Variants in PDE4D observed in about 807,000 individuals in gnomAD.
PDE4D encodes the protein phosphodiesterase 4D.
A neutral mutation model predicts 87.4 loss-of-function variants in PDE4D; 24 were observed. The ratio of observed to expected loss-of-function variants is 0.27; its 90% CI spans 0.20 to 0.39. The LOEUF (loss-of-function observed/expected upper bound fraction) is 0.39. PDE4D is among the 10% of genes least tolerant of loss of function. PDE4D has a pLI of 1.00. For synonymous variants in PDE4D, 384 were observed against 383.2 expected (o/e 1.00, Z -0.02); for missense variants, 714 against 1,041.0 (o/e 0.69, Z 4.32).
chr5:59,013,052 G>A (rs535746890), intron 6 of PDE4D, among the ~76,000 whole-genome samples: 32 of 152,270 alleles, frequency 2.1e-4, no homozygotes, highest in African/African-American at 7.7e-4. Context: ...AATGACTACT[G>A]GGTACATAAT....
intron 1 of PDE4D, among the ~76,000 whole-genome samples, chr5:60,250,053 C>T (rs1748249825): frequency 6.6e-6 from 1 of 151,930 alleles, no homozygotes; most frequent in Non-Finnish European, 1.5e-5. Flanking sequence ...CTTCTACATA[C>T]ACTGTAACCC....
chr5:59,816,824 G>C (rs1356211632), intron 1 of PDE4D, among the ~76,000 whole-genome samples: 2 of 152,286 alleles, frequency 1.3e-5, no homozygotes, highest in South Asian at 2.1e-4. Context: ...TGAGTCAAGA[G>C]ATATCGTGGG....
At chr5:60,512,543 A>C (rs1750624762) in intron 1 of PDE4D, among the ~76,000 whole-genome samples, 1 of 152,170 alleles carries the variant, frequency 6.6e-6, no homozygotes, top group African/African-American at 2.4e-5. Flanking sequence ...TCATCCTTTG[A>C]GTTAAATATT....
intron 6 of PDE4D, among the ~76,000 whole-genome samples, 167 bp from the exon 7 acceptor site, chr5:58,993,632 A>G (rs971368852): frequency 6.6e-6 from 1 of 152,220 alleles, no homozygotes; most frequent in African/African-American, 2.4e-5. Context: ...GGAAAACACC[A>G]TAATCGGTGC....
chr5:60,402,945 G>A (rs1446904701), intron 1 of PDE4D, among the ~76,000 whole-genome samples: 1 of 152,134 alleles, frequency 6.6e-6, no homozygotes, highest in Non-Finnish European at 1.5e-5. Context: ...ATCCAACCCA[G>A]GCATTGCCCC....
chr5:60,084,405 TGC>T (rs925154360), intron 2 of PDE4D, among the ~76,000 whole-genome samples: 21 of 125,662 alleles, frequency 1.7e-4, no homozygotes, highest in East Asian at 9.1e-4. Flanking sequence ...TGTGTGTGTG[TGC>T]GCGCGCGCGT....
At chr5:59,083,818 T>A (rs1767202729) in intron 5 of PDE4D, among the ~76,000 whole-genome samples, 1 of 152,080 alleles carries the variant, frequency 6.6e-6, no homozygotes, top group African/African-American at 2.4e-5. Flanking sequence ...TTGGTTTGGT[T>A]TTTTGTCTTT....
chr5:60,361,679 T>A (rs976424394), intron 1 of PDE4D, among the ~76,000 whole-genome samples: 1 of 152,120 alleles, frequency 6.6e-6, no homozygotes, highest in African/African-American at 2.4e-5. Context: ...TGGGGTAACA[T>A]CCTTTAGAGT....
chr5:59,657,248 C>T (rs1013292426), intron 1 of PDE4D, among the ~76,000 whole-genome samples: 1 of 152,240 alleles, frequency 6.6e-6, no homozygotes, highest in Non-Finnish European at 1.5e-5. Context: ...AATAATAATT[C>T]TTTGCTATTT....
At chr5:60,485,818 A>T (rs1208972290) in intron 1 of PDE4D, among the ~76,000 whole-genome samples, 1 of 152,144 alleles carries the variant, frequency 6.6e-6, no homozygotes, top group Middle Eastern at 3.2e-3. Flanking sequence ...CAAGTAAGAG[A>T]TATGACTCTG....
At chr5:59,386,541 ATGGT>A (rs201557987) in intron 1 of PDE4D, among the ~76,000 whole-genome samples, 37,469 of 151,674 alleles carry the variant, frequency 0.25, 4,946 homozygotes, top group East Asian at 0.39. Flanking sequence ...GGGCCTGGGC[ATGGT>A]GGCTCATGTC....
At chr5:60,067,758 C>T (rs1451494763) in intron 2 of PDE4D, among the ~76,000 whole-genome samples, 1 of 152,040 alleles carries the variant, frequency 6.6e-6, no homozygotes, top group Non-Finnish European at 1.5e-5. Context: ...AACCACAATC[C>T]AACTCTTTGA....
intron 3 of PDE4D, among the ~76,000 whole-genome samples, chr5:59,981,210 C>T (rs895682277): frequency 6.6e-6 from 1 of 152,120 alleles, no homozygotes; most frequent in African/African-American, 2.4e-5. Context: ...CGAGATCACG[C>T]CATTTCACTC....
intron 1 of PDE4D, among the ~76,000 whole-genome samples, chr5:60,292,463 T>C (rs1468534209): frequency 1.3e-5 from 2 of 152,244 alleles, no homozygotes; most frequent in Non-Finnish European, 2.9e-5. Context: ...AGAATCTTTA[T>C]TGATTAACTT....
intron 2 of PDE4D, among the ~76,000 whole-genome samples, chr5:60,097,552 G>T (rs1355220745): frequency 6.6e-6 from 1 of 151,916 alleles, no homozygotes; most frequent in Non-Finnish European, 1.5e-5. Context: ...TTGCCATTTG[G>T]GCATAGGATA....
chr5:59,253,786 C>T (rs1021160721), intron 1 of PDE4D, among the ~76,000 whole-genome samples: 2 of 151,952 alleles, frequency 1.3e-5, no homozygotes, highest in African/African-American at 4.8e-5. Context: ...ATTATTCTTC[C>T]TCCAGCTGGA....
intron 1 of PDE4D, among the ~76,000 whole-genome samples, chr5:59,782,695 A>G (rs1295609456): frequency 6.6e-6 from 1 of 152,230 alleles, no homozygotes; most frequent in East Asian, 1.9e-4. Flanking sequence ...TACATTACAT[A>G]TGATACCCAG....
At position 58,999,405 on chromosome 5, in the gene PDE4D, T is replaced by C. The variant is rs981584971; in HGVS notation, c.922-5940A>G. On this transcript the variant is annotated intron_variant, in intron 6 of 14. Coordinates refer to ENST00000340635, the MANE Select transcript of PDE4D (RefSeq NM_001104631.2). ...AAGGAAAGAATACATAACTGATAGT[T>C]TGAACAAATTACAGTAGAGTCTAAG... 5.2e-5 allele frequency: 32 copies of C among 610,104 alleles called. No homozygotes were observed. The African/African-American group carries it at 5.5e-4, about 10-fold the overall frequency. The allele number at this position is 610,104 out of a possible 1,614,324, so 37.8% of individuals were successfully genotyped here.
At chr5:59,958,886 A>G (rs1759155344) in intron 3 of PDE4D, among the ~76,000 whole-genome samples, 1 of 152,166 alleles carries the variant, frequency 6.6e-6, no homozygotes, top group Non-Finnish European at 1.5e-5. Flanking sequence ...CAAATAGGAA[A>G]AGAGGAAGTA....
Sources: gnomAD v4.1 joint callset for allele counts (sites outside exome capture counted in the v4.1 genomes callset) on GRCh38, gnomAD v4.1.1 for gene constraint, MANE v1.5 for transcripts, NCBI Gene and HGNC (gene_info 2026-07-23, HGNC 2026-07-21) for gene names.